The following RYR3 variants were observed in gnomAD, a reference collection of about 807,000 sequenced individuals.
RYR3 encodes ryanodine receptor 3.
A neutral mutation model predicts 584.3 loss-of-function variants in RYR3; 207 were observed. That is an observed-to-expected ratio of 0.35 (90% CI 0.32 to 0.40). RYR3 has a LOEUF of 0.40. RYR3 is among the 10% of genes least tolerant of loss of function. The pLI is 1.00. For synonymous variants in RYR3, 2,416 were observed against 2,248.5 expected (o/e 1.07, Z -2.11); for missense variants, 5,616 against 6,089.2 (o/e 0.92, Z 2.59).
chr15:33,637,656 A>G (rs535595680), intron 27 of RYR3, among the ~76,000 whole-genome samples: 1 of 152,380 alleles, frequency 6.6e-6, no homozygotes, highest in African/African-American at 2.4e-5. Flanking sequence ...TGCATAGGCA[A>G]GAGAGCACAA....
chr15:33,601,153 G>T (rs1302932487), intron 16 of RYR3, among the ~76,000 whole-genome samples: 10 of 152,156 alleles, frequency 6.6e-5, no homozygotes, highest in Non-Finnish European at 5.9e-5. Context: ...GCCACCGATG[G>T]TTTGCATCGT....
At chr15:33,746,822 C>G (rs62012617) in intron 53 of RYR3, among the ~76,000 whole-genome samples, 1 of 141,842 alleles carries the variant, frequency 7.1e-6, no homozygotes, top group Non-Finnish European at 1.5e-5. Flanking sequence ...TTTTTTTTCT[C>G]TTTTGAGGCA....
intron 64 of RYR3, among the ~76,000 whole-genome samples, chr15:33,777,648 C>T (rs771994924): frequency 9.2e-5 from 14 of 152,048 alleles, no homozygotes; most frequent in South Asian, 4.2e-4. Flanking sequence ...AGGGCAGGGC[C>T]AGTCCCCTGA....
intron 1 of RYR3, among the ~76,000 whole-genome samples, chr15:33,340,823 A>C (rs974604682): frequency 8.5e-5 from 13 of 152,164 alleles, no homozygotes; most frequent in African/African-American, 1.2e-4. Flanking sequence ...AGTCCATAAC[A>C]CTTGGAATCT....
At chr15:33,420,784 G>C (rs1305763580) in intron 1 of RYR3, among the ~76,000 whole-genome samples, 1 of 152,096 alleles carries the variant, frequency 6.6e-6, no homozygotes, top group Non-Finnish European at 1.5e-5. Flanking sequence ...GCCCCTTGAT[G>C]AAATATGCAG....
At chr15:33,711,264 G>C (rs1237307734) in intron 43 of RYR3, among the ~76,000 whole-genome samples, 1 of 79,310 alleles carries the variant, frequency 1.3e-5, no homozygotes, top group East Asian at 4.4e-4. Flanking sequence ...TTTTTTTTGA[G>C]ACTGAGTCTC....
intron 16 of RYR3, among the ~76,000 whole-genome samples, chr15:33,586,696 A>G (rs999886861): frequency 2.0e-5 from 3 of 152,182 alleles, no homozygotes; most frequent in African/African-American, 7.2e-5. Flanking sequence ...AATGGTGACA[A>G]GGGCATCTCA....
chr15:33,495,535 A>G (rs1190797630), intron 2 of RYR3, among the ~76,000 whole-genome samples: 1 of 152,306 alleles, frequency 6.6e-6, no homozygotes, highest in African/African-American at 2.4e-5. Flanking sequence ...GCCTGGTACA[A>G]TTGTATAGAT....
At chr15:33,706,895 A>G (rs980774087) in intron 42 of RYR3, 24 bp from the exon 43 acceptor site, 2 of 1,576,764 alleles carry the variant, frequency 1.3e-6, no homozygotes, top group Non-Finnish European at 1.7e-6. Context: ...GTGCGAAAGA[A>G]CACTTTTGTA....
chr15:33,378,940 G>A (rs751795958), intron 1 of RYR3, among the ~76,000 whole-genome samples: 1 of 152,032 alleles, frequency 6.6e-6, no homozygotes, highest in Non-Finnish European at 1.5e-5. Context: ...TCTCCAGCCT[G>A]GGCAATAAAG....
chr15:33,834,384 G>C (rs2077899176), intron 86 of RYR3, among the ~76,000 whole-genome samples: 1 of 151,532 alleles, frequency 6.6e-6, no homozygotes, highest in Non-Finnish European at 1.5e-5. Context: ...TTTCAGAAAA[G>C]TTCGTCAGAG....
intron 66 of RYR3, 149 bp from the exon 67 acceptor site, chr15:33,788,069 A>G (rs1256868004): frequency 1.2e-5 from 11 of 934,484 alleles, no homozygotes; most frequent in Non-Finnish European, 1.8e-5. Flanking sequence ...ATGAGAGGGA[A>G]GTATCAAGGG....
At chr15:33,537,243 A>G (rs569952219) in intron 5 of RYR3, among the ~76,000 whole-genome samples, 2 of 149,492 alleles carry the variant, frequency 1.3e-5, no homozygotes, top group South Asian at 2.1e-4. Context: ...ATTCGCTTGC[A>G]TGATCTGTTC....
At chr15:33,432,858 C>T (rs552909781) in intron 1 of RYR3, among the ~76,000 whole-genome samples, 25 of 152,028 alleles carry the variant, frequency 1.6e-4, no homozygotes, top group African/African-American at 6.0e-4. Flanking sequence ...AATTCCACAT[C>T]GAATTAGTTT....
chr15:33,843,269 G>A (rs1443357649), intron 91 of RYR3, among the ~76,000 whole-genome samples: 2 of 151,842 alleles, frequency 1.3e-5, no homozygotes, highest in East Asian at 1.9e-4. Context: ...GCAGTGAGCC[G>A]AGATTGCACC....
chr15:33,587,632 A>G (rs549463911), intron 16 of RYR3, among the ~76,000 whole-genome samples: 10 of 152,328 alleles, frequency 6.6e-5, no homozygotes, highest in African/African-American at 2.4e-4. Context: ...GAACCAAGAC[A>G]TTGTTAGAGA....
chr15:33,850,265 C>G (rs1177652783), intron 94 of RYR3: 2 of 152,066 alleles, frequency 1.3e-5, no homozygotes, highest in East Asian at 3.9e-4. Context: ...CCTGTAATCC[C>G]AGCTACTTGG....
intron 36 of RYR3, among the ~76,000 whole-genome samples, chr15:33,664,622 T>TATATATATATATATATAG (rs2063389650): frequency 6.9e-6 from 1 of 145,870 alleles, no homozygotes; most frequent in Non-Finnish European, 1.5e-5. Context: ...TATACGTATG[T>TATATATATATATATATAG]ATACATCTGC....
intron 1 of RYR3, among the ~76,000 whole-genome samples, chr15:33,462,785 G>A (rs1217616278): frequency 6.6e-6 from 1 of 152,108 alleles, no homozygotes; most frequent in Non-Finnish European, 1.5e-5. Flanking sequence ...GAGCCACAGT[G>A]CTTAGAGTGC....
Sources: gnomAD v4.1 joint callset for allele counts (sites outside exome capture counted in the v4.1 genomes callset) on GRCh38, gnomAD v4.1.1 for gene constraint, MANE v1.5 for transcripts, NCBI Gene and HGNC (gene_info 2026-07-23, HGNC 2026-07-21) for gene names.